ANKS1B: variants seen among roughly 807,000 people sequenced by gnomAD.
The protein encoded by ANKS1B is ankyrin repeat and sterile alpha motif domain-containing protein 1B.
ANKS1B carries 36 observed loss-of-function variants against 148.3 expected under a neutral mutation model. That is an observed-to-expected ratio of 0.24 (90% CI 0.19 to 0.32). The LOEUF (loss-of-function observed/expected upper bound fraction) is 0.32. Among genes scored for constraint, ANKS1B ranks in the 10% least tolerant of loss-of-function variants. The pLI, the probability that ANKS1B is intolerant of heterozygous loss-of-function variation, is 1.00. For missense variants in ANKS1B, 1,157 were observed against 1,542.6 expected (o/e 0.75, Z 4.19); for synonymous variants, 542 against 560.8 (o/e 0.97, Z 0.47).
chr12:99,632,750 T>G (rs1307671737), intron 9 of ANKS1B, among the ~76,000 whole-genome samples: 6 of 112,432 alleles, frequency 5.3e-5, no homozygotes, highest in African/African-American at 1.9e-4. Context: ...TATATATATA[T>G]ATATATATAT....
At chr12:98,974,106 G>T (rs1174251947) in intron 17 of ANKS1B, among the ~76,000 whole-genome samples, 1 of 152,046 alleles carries the variant, frequency 6.6e-6, no homozygotes, top group Non-Finnish European at 1.5e-5. Context: ...TGTTTTGCTG[G>T]TAAGGAGAAG....
At chr12:98,856,173 T>C (rs2099570439) in intron 17 of ANKS1B, among the ~76,000 whole-genome samples, 1 of 152,250 alleles carries the variant, frequency 6.6e-6, no homozygotes, top group Admixed American at 6.5e-5. Context: ...ATCTGAGGCC[T>C]GCTACATCAT....
chr12:99,614,420 G>A (rs1173713338), intron 9 of ANKS1B, among the ~76,000 whole-genome samples: 3 of 139,724 alleles, frequency 2.1e-5, no homozygotes, highest in African/African-American at 7.8e-5. Context: ...GGGTGACAGA[G>A]TGAGACTCTG....
At chr12:98,986,156 CTT>C (rs1326681170) in intron 17 of ANKS1B, among the ~76,000 whole-genome samples, 1 of 150,426 alleles carries the variant, frequency 6.6e-6, no homozygotes, top group African/African-American at 2.4e-5. Context: ...AAGATTTTCT[CTT>C]TATCTTTGGT....
intron 17 of ANKS1B, among the ~76,000 whole-genome samples, chr12:98,919,602 C>T (rs993857298): frequency 6.6e-6 from 1 of 152,230 alleles, no homozygotes; most frequent in Non-Finnish European, 1.5e-5. Flanking sequence ...CCCTAACACC[C>T]ACTTTCCAAT....
At chr12:99,808,924 T>C (rs535070947) in intron 3 of ANKS1B, among the ~76,000 whole-genome samples, 2 of 152,180 alleles carry the variant, frequency 1.3e-5, no homozygotes, top group South Asian at 2.1e-4. Context: ...GGAAAATATA[T>C]CAATCATTCA....
intron 17 of ANKS1B, among the ~76,000 whole-genome samples, chr12:99,004,539 G>A (rs953037620): frequency 2.0e-4 from 30 of 151,930 alleles, no homozygotes; most frequent in African/African-American, 7.0e-4. Flanking sequence ...TCAACCCAAG[G>A]CAACCCAAGG....
At chr12:99,054,641 C>G (rs2099968410) in intron 16 of ANKS1B, among the ~76,000 whole-genome samples, 1 of 152,152 alleles carries the variant, frequency 6.6e-6, no homozygotes, top group South Asian at 2.1e-4. Context: ...TGGGTTCAAG[C>G]AATTCTCATT....
chr12:98,745,165 T>TA lies in ANKS1B; in HGVS notation c.*573dup. On this transcript the variant is annotated 3_prime_UTR_variant, in exon 27 of 27. Transcript: ENST00000683438. ...TTTCTCTGACATAGGTGATTACATA[T>TA]AAAATCCACAAATATAGAAATGGGG... 1.0e-6 allele frequency: 1 copy of TA among 985,828 alleles called. No homozygotes were observed. Among genetic ancestry groups the TA allele is most frequent in the Non-Finnish European group, 1.2e-6 (1 of 829,924 alleles). 61.1% of individuals were successfully genotyped at this position (985,828 alleles called of 1,614,324 possible).
chr12:99,648,497 A>G (rs763680646), intron 9 of ANKS1B: 2 of 1,614,064 alleles, frequency 1.2e-6, no homozygotes, highest in Admixed American at 1.7e-5. Flanking sequence ...CAGAAAAGAG[A>G]AAGTCCGCCT....
chr12:99,268,472 G>A (rs971997506), intron 12 of ANKS1B, among the ~76,000 whole-genome samples: 2 of 152,206 alleles, frequency 1.3e-5, no homozygotes, highest in Non-Finnish European at 2.9e-5. Context: ...TTTAAGGCAT[G>A]CAAGTGGTTT....
Position 99,575,883 on chromosome 12 carries a change from A to C in ANKS1B, c.1273-71242T>G, listed in dbSNP as rs937618645. ...AACCAGGTAAAAACACAATGACAGGATCAAACACACACACATCAATACTAA... is the reference window on the plus strand; with the variant it reads ...AACCAGGTAAAAACACAATGACAGGCTCAAACACACACACATCAATACTAA... On this transcript the variant is annotated intron_variant, in intron 9 of 26. Coordinates refer to ENST00000683438, the MANE Select transcript of ANKS1B (RefSeq NM_001352186.2). 2.0e-5 allele frequency among the ~76,000 whole-genome samples: 3 copies of C among 152,168 alleles called. No homozygotes were observed. The South Asian group carries it at 6.2e-4, about 31-fold the overall frequency.
At chr12:99,555,453 T>C (rs1190342787) in intron 9 of ANKS1B, among the ~76,000 whole-genome samples, 1 of 152,200 alleles carries the variant, frequency 6.6e-6, no homozygotes, top group Non-Finnish European at 1.5e-5. Context: ...CCTGATTCCT[T>C]GGCTAGGACT....
At chr12:99,796,151 T>A (rs548629575) in intron 4 of ANKS1B, among the ~76,000 whole-genome samples, 2 of 152,072 alleles carry the variant, frequency 1.3e-5, no homozygotes, top group East Asian at 3.9e-4. Context: ...GAACAGTCGA[T>A]CTGATAATCA....
intron 14 of ANKS1B, among the ~76,000 whole-genome samples, chr12:99,226,524 T>G (rs1036906385): frequency 6.6e-6 from 1 of 152,204 alleles, no homozygotes; most frequent in African/African-American, 2.4e-5. Flanking sequence ...AGGGTATATA[T>G]CTTACATATA....
intron 12 of ANKS1B, among the ~76,000 whole-genome samples, chr12:99,316,184 C>T (rs950109284): frequency 1.7e-4 from 26 of 152,052 alleles, no homozygotes; most frequent in African/African-American, 4.3e-4. Flanking sequence ...CGGTATATAC[C>T]CAGTAATGGG....
At chr12:99,163,271 A>G (rs1197484941) in intron 14 of ANKS1B, among the ~76,000 whole-genome samples, 1 of 151,664 alleles carries the variant, frequency 6.6e-6, no homozygotes, top group African/African-American at 2.4e-5. Context: ...TTCTTTTTTT[A>G]AAGATTTTTA....
At chr12:98,743,417 G>A (rs915230167), downstream of ANKS1B, among the ~76,000 whole-genome samples, 2 of 152,114 alleles carry the variant, frequency 1.3e-5, no homozygotes, top group African/African-American at 4.8e-5. Context: ...CCTTTTTTGA[G>A]TAATGATGTT....
intron 14 of ANKS1B, among the ~76,000 whole-genome samples, chr12:99,200,890 G>A (rs1391297671): frequency 6.6e-6 from 1 of 152,174 alleles, no homozygotes; most frequent in Non-Finnish European, 1.5e-5. Flanking sequence ...AGAAGAATCT[G>A]TGACTCATCA....
Sources: allele counts gnomAD v4.1 joint callset (sites outside exome capture counted in the v4.1 genomes callset), GRCh38; gene constraint gnomAD v4.1.1; transcripts MANE v1.5; gene names NCBI Gene and HGNC (gene_info 2026-07-23, HGNC 2026-07-21).